ZNF607: variants seen among roughly 807,000 people sequenced by gnomAD.
ZNF607 encodes zinc finger protein 607.
Under a neutral mutation model 12.8 loss-of-function variants are expected in ZNF607, and 5 were observed. That is an observed-to-expected ratio of 0.39 (90% confidence interval 0.20 to 0.82). The LOEUF (loss-of-function observed/expected upper bound fraction) is 0.82, where lower values mean the gene tolerates loss of function less well. Among genes scored for constraint, ZNF607 ranks in the 40% least tolerant of loss-of-function variants. ZNF607 has a pLI of 0.39. For synonymous variants in ZNF607, 287 were observed against 276.2 expected, an observed-to-expected ratio of 1.04 and a Z score of -0.39; for missense variants, 851 against 859.2, an observed-to-expected ratio of 0.99 and a Z score of 0.12.
intron 3 of ZNF607, among the ~76,000 whole-genome samples, chr19:37,708,926 C>T (rs1719602140): frequency 6.6e-6 from 1 of 151,210 alleles, no homozygotes; most frequent in Non-Finnish European, 1.5e-5. Flanking sequence ...AAGTTACTTA[C>T]ACTGCTGGTC....
chr19:37,704,720 C>T (rs975144983), intron 4 of ZNF607, among the ~76,000 whole-genome samples: 15 of 152,124 alleles, frequency 9.9e-5, no homozygotes, highest in Non-Finnish European at 1.3e-4. Context: ...ATCCCAGCAC[C>T]GGGCGAGCGG....
At position 37,696,851 on chromosome 19, in the gene ZNF607, G is replaced by T. The variant is rs928966441; in HGVS notation, c.*1189C>A. 1 of 813,718 alleles carries T rather than the reference G, an allele frequency of 1.2e-6. No homozygotes were observed. 50.4% of individuals were successfully genotyped at this position (813,718 alleles called of 1,614,324 possible). ...AATCTGGCGCTCTCTGCTTCCTGGG[G>T]GGCCACCTGTCTGTTAACTCCTTCA... On this transcript the variant is annotated 3_prime_UTR_variant, in exon 5 of 5. Coordinates refer to ENST00000355202, the MANE Select transcript of ZNF607 (RefSeq NM_032689.5).
At chr19:37,710,647 T>C (rs745431001) in intron 2 of ZNF607, among the ~76,000 whole-genome samples, 5 of 152,166 alleles carry the variant, frequency 3.3e-5, no homozygotes, top group Non-Finnish European at 5.9e-5. Context: ...ACTTTCTGCC[T>C]GTTCTGGGAC....
At chr19:37,706,435 T>G (rs995666921) in intron 4 of ZNF607, 3 of 152,296 alleles carry the variant, frequency 2.0e-5, no homozygotes, top group Non-Finnish European at 4.4e-5. Context: ...GTGTTCATTG[T>G]GTGCTGTAGC....
In ZNF607 at chr19:37,698,205, T is replaced by A. The variant is rs1599658616; in HGVS notation, c.1926A>T (p.Gly642=). Residue 642 remains glycine, a synonymous_variant, in exon 5 of 5, where the codon GGA becomes GGT. Transcript: ENST00000355202. ...CACACTCTTCACACATATAGGGATT[T>A]CCATCAGCATGAACGCTTTCATGTC... ...LVRHESVHAD[G]NPYMCEECGK... 9.3e-6 allele frequency: 15 copies of A among 1,614,090 alleles called. No homozygotes were observed. In the African/African-American group the frequency reaches 9.3e-5, roughly 10 times the overall value.
intron 1 of ZNF607, 78 bp from the exon 2 acceptor site, chr19:37,711,770 T>A: frequency 1.5e-6 from 1 of 659,304 alleles, no homozygotes; most frequent in South Asian, 2.2e-5. Flanking sequence ...ACTGTTTTCC[T>A]CTTCCATTCC....
At chr19:37,710,066 A>G (rs917892953) in intron 2 of ZNF607, among the ~76,000 whole-genome samples, 5 of 152,096 alleles carry the variant, frequency 3.3e-5, no homozygotes, top group African/African-American at 1.2e-4. Context: ...GAGATAGGGG[A>G]ATCACTTAAA....
chr19:37,711,734 G>T, intron 1 of ZNF607, 42 bp from the exon 2 acceptor site: 1 of 980,812 alleles, frequency 1.0e-6, no homozygotes, highest in Non-Finnish European at 1.6e-6. Flanking sequence ...TGCTTTAGTG[G>T]TCCCCATAGG....
In ZNF607 at chr19:37,699,426, A is replaced by G. The variant is rs924789501; in HGVS notation, c.705T>C (p.Ser235=). The G allele has an allele frequency of 8.7e-6, 14 of 1,613,982 alleles. No homozygotes were observed. The highest frequency in any genetic ancestry group is 6.7e-5 in the East Asian group (3 of 44,888). ...YECKECGKAF[S]VYGRLSRHQS... ...GATGTCGACTAAGTCGTCCATACACACTAAAGGCCTTGCCACATTCCTTAC... is the reference window on the plus strand; with the variant it reads ...GATGTCGACTAAGTCGTCCATACACGCTAAAGGCCTTGCCACATTCCTTAC... Residue 235 remains serine, a synonymous_variant, in exon 5 of 5, where the codon AGT becomes AGC. Coordinates refer to ENST00000355202, the MANE Select transcript of ZNF607 (RefSeq NM_032689.5).
Position 37,699,307 on chromosome 19 carries a change from T to A in ZNF607, c.824A>T (p.His275Leu), listed in dbSNP as rs1409474956. Residue 275 changes from histidine (H) to leucine (L), a missense_variant, in exon 5 of 5, where the codon CAT (histidine) becomes CTT (leucine). Coordinates refer to ENST00000355202, the MANE Select transcript of ZNF607 (RefSeq NM_032689.5). ...KAGLKVHQSIHTGEKPHECKE... is the reference protein window; with the variant it reads ...KAGLKVHQSILTGEKPHECKE... ...ACATTCATGTGGCTTCTCTCCAGTATGAATACTCTGATGTACTTTAAGGCC... is the reference window on the plus strand; with the variant it reads ...ACATTCATGTGGCTTCTCTCCAGTAAGAATACTCTGATGTACTTTAAGGCC... 1.9e-6 allele frequency: 3 copies of A among 1,613,960 alleles called. No homozygotes were observed. The highest frequency in any genetic ancestry group is 1.7e-6 in the Non-Finnish European group (2 of 1,179,998).
chr19:37,702,306 A>G (rs1026273383), intron 4 of ZNF607, among the ~76,000 whole-genome samples: 83 of 150,950 alleles, frequency 5.5e-4, no homozygotes, highest in Non-Finnish European at 8.7e-4. Context: ...AAAAAAAAAA[A>G]AAAGAAAGAA....
In ZNF607 at chr19:37,707,910, T is replaced by A; in HGVS notation, c.235+4A>T. 6.2e-7 allele frequency: 1 copy of A among 1,611,336 alleles called. No homozygotes were observed. The stretch of plus-strand genomic sequence containing the variant: ...ATGGCTGCCCCTGCCTGACTTGCTC[T>A]TACCTGTACACTCTCCTCTTGTTTC... On this transcript the variant is annotated splice_donor_region_variant and intron_variant, in intron 4 of 4. Coordinates refer to ENST00000355202, the MANE Select transcript of ZNF607 (RefSeq NM_032689.5).
At chr19:37,701,626 C>T (rs578140205) in intron 4 of ZNF607, among the ~76,000 whole-genome samples, 30 of 152,244 alleles carry the variant, frequency 2.0e-4, no homozygotes, top group African/African-American at 6.3e-4. Context: ...TCGGTGAAAG[C>T]GCACACTTCT....
chr19:37,711,839 C>T (rs1445641549), intron 1 of ZNF607, 147 bp from the exon 2 acceptor site: 4 of 535,704 alleles, frequency 7.5e-6, no homozygotes, highest in African/African-American at 5.6e-5. Flanking sequence ...CTGGATAAAC[C>T]CATTTCCTCC....
Position 37,708,886 on chromosome 19 carries a change from G to A in ZNF607, c.136+810C>T, listed in dbSNP as rs1000985465. 4.0e-5 allele frequency among the ~76,000 whole-genome samples: 6 copies of A among 150,454 alleles called. 1 individual carries two copies. In the South Asian group the frequency reaches 1.0e-3, roughly 26 times the overall value. ...AAGCCTGGGATCAATTCCTGACTCT[G>A]TCACCTTCCAGCTGTGTGTGACCTT... On this transcript the variant is annotated intron_variant, in intron 3 of 4. Coordinates refer to ENST00000355202, the MANE Select transcript of ZNF607 (RefSeq NM_032689.5).
rs1405911246 is a variant in ZNF607 at position 37,697,044 on chromosome 19, G to A, written c.*996C>T. On this transcript the variant is annotated 3_prime_UTR_variant, in exon 5 of 5. Coordinates refer to ENST00000355202, the MANE Select transcript of ZNF607 (RefSeq NM_032689.5). ...CTTGAGGATCTCCGTGGTAATGAAC[G>A]GCAGCACACACTCATCGTAGTCCTC... is the stretch of plus-strand genomic sequence containing the variant. 7 of 732,686 alleles carry A rather than the reference G, an allele frequency of 9.6e-6. No homozygotes were observed. Among genetic ancestry groups the A allele is most frequent in the Middle Eastern group, 2.5e-4 (1 of 3,996 alleles). The allele number at this position is 732,686 out of a possible 1,614,324, so 45.4% of individuals were successfully genotyped here. A position where few individuals can be genotyped will look rare whatever the true frequency, so the allele number is the denominator to read the frequency against.
chr19:37,697,794 T>G lies in ZNF607; in HGVS notation c.*246A>C, dbSNP rs1171003210. On this transcript the variant is annotated 3_prime_UTR_variant, in exon 5 of 5. Coordinates refer to ENST00000355202, the MANE Select transcript of ZNF607 (RefSeq NM_032689.5). Reference sequence around the variant, plus strand: ...CAAAACTAGAGGAATATCAGAAAAGTTTTCTTATGTTATTAAAAAAATACA... The same window carrying G: ...CAAAACTAGAGGAATATCAGAAAAGGTTTCTTATGTTATTAAAAAAATACA... The G allele has an allele frequency of 5.3e-6, 2 of 374,380 alleles. No homozygotes were observed. Among genetic ancestry groups the G allele is most frequent in the Non-Finnish European group, 9.5e-6 (2 of 210,972 alleles). 23.2% of individuals were successfully genotyped at this position (374,380 alleles called of 1,614,324 possible).
At position 37,696,913 on chromosome 19, in the gene ZNF607, T is replaced by C. The variant is rs187946023; in HGVS notation, c.*1127A>G. ...TGTGTCAAAGACACGTCGTCCAGAA[T>C]GAGCCCAAAGGTGGCTGCTCACTCC... On this transcript the variant is annotated 3_prime_UTR_variant, in exon 5 of 5. Coordinates refer to ENST00000355202, the MANE Select transcript of ZNF607 (RefSeq NM_032689.5). 4.4e-6 allele frequency: 3 copies of C among 675,958 alleles called. No homozygotes were observed. Among genetic ancestry groups the C allele is most frequent in the East Asian group, 2.8e-5 (1 of 36,192 alleles). 41.9% of individuals were successfully genotyped at this position (675,958 alleles called of 1,614,324 possible). A position where few individuals can be genotyped will look rare whatever the true frequency, so the allele number is the denominator to read the frequency against.
Position 37,697,947 on chromosome 19 carries a change from A to C in ZNF607, c.*93T>G. The stretch of plus-strand genomic sequence containing the variant: ...AAAAACTGAACTGTATCTCAAAGCC[A>C]TTCCACATTGTCTTCATTCAAATTG... On this transcript the variant is annotated 3_prime_UTR_variant, in exon 5 of 5. Coordinates refer to ENST00000355202, the MANE Select transcript of ZNF607 (RefSeq NM_032689.5). The C allele has an allele frequency of 7.9e-7, 1 of 1,272,680 alleles. No homozygotes were observed. The highest frequency in any genetic ancestry group is 1.1e-6 in the Non-Finnish European group (1 of 928,158). 78.8% of individuals were successfully genotyped at this position (1,272,680 alleles called of 1,614,324 possible).
Sources: allele counts gnomAD v4.1 joint callset (sites outside exome capture counted in the v4.1 genomes callset), GRCh38; gene constraint gnomAD v4.1.1; transcripts MANE v1.5; gene names NCBI Gene and HGNC (gene_info 2026-07-23, HGNC 2026-07-21).